CACNA2D3: variants seen among roughly 807,000 people sequenced by gnomAD.
CACNA2D3 encodes voltage-dependent calcium channel subunit alpha-2/delta-3.
In CACNA2D3, 60 loss-of-function variants were observed where a neutral mutation model predicts 160.6. That is an observed-to-expected ratio of 0.37 (90% CI 0.30 to 0.46). The LOEUF (loss-of-function observed/expected upper bound fraction) is 0.46, where lower values mean the gene tolerates loss of function less well. Ranked by LOEUF, CACNA2D3 falls within the 20% of genes least tolerant of loss-of-function variation. The probability of loss-of-function intolerance (pLI) is 1.00; values close to 1 mark genes in which losing one functional copy is unlikely to be tolerated. For synonymous variants in CACNA2D3, 558 were observed against 492.9 expected (o/e 1.13, Z -1.75); for missense variants, 1,205 against 1,365.0 (o/e 0.88, Z 1.85).
At chr3:54,271,929 C>A (rs1310815659) in intron 2 of CACNA2D3, among the ~76,000 whole-genome samples, 1 of 152,222 alleles carries the variant, frequency 6.6e-6, no homozygotes, top group Non-Finnish European at 1.5e-5. Flanking sequence ...GTTGCTTAGG[C>A]AAAGTCCCCA....
rs1480650850 is a variant in CACNA2D3, at chr3:54,708,709, C to T, written c.1168-43890C>T. 2.0e-5 allele frequency among the ~76,000 whole-genome samples: 3 copies of T among 152,180 alleles called. No homozygotes were observed. In the East Asian group the frequency reaches 5.8e-4, roughly 29 times the overall value. On this transcript the variant is annotated intron_variant, in intron 11 of 37. Transcript: ENST00000474759. ...TAAGTTAAGCCATAATTTAAATGCT[C>T]AAATCCTAGGCGGCTCCAGAATTTC...
intron 6 of CACNA2D3, among the ~76,000 whole-genome samples, chr3:54,566,416 G>C (rs2030395): frequency 0.49 from 74,654 of 152,024 alleles, 18,750 homozygotes; most frequent in Admixed American, 0.58. Context: ...TTCCTGTGAG[G>C]CTTGACCAGT....
chr3:54,171,135 A>ATTTTTTTTTTTTTTTTTT (rs1700557445), intron 2 of CACNA2D3, among the ~76,000 whole-genome samples: 2 of 18,752 alleles, frequency 1.1e-4, no homozygotes, highest in African/African-American at 1.7e-4. Flanking sequence ...AAAGATGATG[A>ATTTTTTTTTTTTTTTTTT]CTTTTTTTTT....
chr3:54,364,545 T>A (rs1452023892), intron 3 of CACNA2D3, among the ~76,000 whole-genome samples: 1 of 152,230 alleles, frequency 6.6e-6, no homozygotes, highest in Non-Finnish European at 1.5e-5. Context: ...TTTCCTTTCC[T>A]CTTAACACAT....
intron 14 of CACNA2D3, among the ~76,000 whole-genome samples, chr3:54,831,455 A>C (rs1412567216): frequency 1.3e-5 from 2 of 152,212 alleles, no homozygotes; most frequent in Admixed American, 1.3e-4. Flanking sequence ...GATGTCCTTC[A>C]AAGGTGGAGG....
Position 54,987,764 on chromosome 3 carries a change from T to C in CACNA2D3, c.2690+11T>C. On this transcript the variant is annotated intron_variant, in intron 31 of 37. Transcript: ENST00000474759. ...GGGCTCCTTTAAAAGGTAAGGGTTT[T>C]ATGGTCCACTGCATTCCCCCCAAAA... 1 of 1,586,566 alleles carries C rather than the reference T, an allele frequency of 6.3e-7. No individual in the cohort carries two copies. Among genetic ancestry groups the C allele is most frequent in the Non-Finnish European group, 8.6e-7 (1 of 1,166,108 alleles).
At chr3:54,185,642 T>A (rs1185912655) in intron 2 of CACNA2D3, among the ~76,000 whole-genome samples, 1 of 152,182 alleles carries the variant, frequency 6.6e-6, no homozygotes, top group Non-Finnish European at 1.5e-5. Flanking sequence ...AGTAAATATT[T>A]TGGGCTCTCT....
chr3:54,720,754 T>C (rs1170233367), intron 11 of CACNA2D3, among the ~76,000 whole-genome samples: 1 of 152,272 alleles, frequency 6.6e-6, no homozygotes, highest in Non-Finnish European at 1.5e-5. Context: ...TTTGGTGTTA[T>C]ATGTTGTTGT....
chr3:55,073,977 A>AGTAAAC (rs1200441141), intron 37 of CACNA2D3, 118 bp downstream of exon 37: 4 of 1,088,572 alleles, frequency 3.7e-6, no homozygotes, highest in Non-Finnish European at 4.2e-6. Context: ...CCTTTCATTC[A>AGTAAAC]GTAAACTGAA....
At chr3:54,125,701 T>A (rs1699578113) in intron 2 of CACNA2D3, among the ~76,000 whole-genome samples, 1 of 152,232 alleles carries the variant, frequency 6.6e-6, no homozygotes, top group Non-Finnish European at 1.5e-5. Flanking sequence ...TTTGGTCCAC[T>A]ATCCCCGCAA....
At chr3:54,405,240 A>C (rs984871022) in intron 4 of CACNA2D3, among the ~76,000 whole-genome samples, 1 of 150,768 alleles carries the variant, frequency 6.6e-6, no homozygotes, top group African/African-American at 2.4e-5. Flanking sequence ...GAACCACATT[A>C]AACCCTGAAT....
intron 3 of CACNA2D3, among the ~76,000 whole-genome samples, chr3:54,322,693 A>C (rs1176034628): frequency 6.6e-6 from 1 of 152,156 alleles, no homozygotes; most frequent in Non-Finnish European, 1.5e-5. Flanking sequence ...ATCTGTGAAC[A>C]TCTGATAGGA....
At chr3:54,606,816 C>A (rs189750506) in intron 9 of CACNA2D3, among the ~76,000 whole-genome samples, 2 of 152,090 alleles carry the variant, frequency 1.3e-5, no homozygotes, top group Admixed American at 1.3e-4. Flanking sequence ...CTCTCTAATC[C>A]CTCTTTGCTC....
At chr3:54,514,879 T>C (rs1025338245) in intron 5 of CACNA2D3, among the ~76,000 whole-genome samples, 2 of 152,200 alleles carry the variant, frequency 1.3e-5, no homozygotes, top group African/African-American at 4.8e-5. Flanking sequence ...GGGAGGGTGA[T>C]GCCTTGGAGA....
At chr3:54,218,511 G>A (rs1227531496) in intron 2 of CACNA2D3, among the ~76,000 whole-genome samples, 2 of 152,184 alleles carry the variant, frequency 1.3e-5, no homozygotes, top group Non-Finnish European at 2.9e-5. Context: ...GTTCTGTTTT[G>A]TAACTTCTGT....
intron 5 of CACNA2D3, among the ~76,000 whole-genome samples, chr3:54,505,094 G>T (rs950005763): frequency 2.6e-5 from 4 of 152,168 alleles, no homozygotes; most frequent in African/African-American, 9.7e-5. Context: ...ATTAGGTATA[G>T]TTGGATACCT....
At chr3:54,200,731 GTTCTAGGGTATTGCATTTCATAGCATT>G (rs1396514845) in intron 2 of CACNA2D3, among the ~76,000 whole-genome samples, 6 of 152,212 alleles carry the variant, frequency 3.9e-5, no homozygotes, top group Non-Finnish European at 8.8e-5. Context: ...AGGGAGAACT[GTTCTAGGGTATTGCATTTCATAGCATT>G]TGATTACTTA....
chr3:54,300,907 G>A (rs1233517960), intron 2 of CACNA2D3, among the ~76,000 whole-genome samples: 1 of 152,032 alleles, frequency 6.6e-6, no homozygotes, highest in Non-Finnish European at 1.5e-5. Flanking sequence ...CATAGTCCCA[G>A]CTACTCAGGA....
Position 55,021,645 on chromosome 3 carries a change from G to A in CACNA2D3, c.2987+3328G>A, listed in dbSNP as rs9857643. 3.6e-3 allele frequency among the ~76,000 whole-genome samples: 411 copies of A among 114,396 alleles called. 2 individuals carry two copies. The highest frequency in any genetic ancestry group is 6.9e-3 in the Admixed American group (75 of 10,906). 75.0% of individuals were successfully genotyped at this position (114,396 alleles called of 152,430 possible). A position where few individuals can be genotyped will look rare whatever the true frequency, so the allele number is the denominator to read the frequency against. ...TGTGTGTATATATATATATATATAT[G>A]TGTATATATATATGTGTGTGTATAT... is the stretch of plus-strand genomic sequence containing the variant. On this transcript the variant is annotated intron_variant, in intron 35 of 37. Transcript: ENST00000474759.
Sources: allele counts gnomAD v4.1 joint callset (sites outside exome capture counted in the v4.1 genomes callset), GRCh38; gene constraint gnomAD v4.1.1; transcripts MANE v1.5; gene names NCBI Gene and HGNC (gene_info 2026-07-23, HGNC 2026-07-21).